Variants in LINGO2 observed in about 807,000 individuals in gnomAD.
LINGO2 encodes leucine-rich repeat and immunoglobulin-like domain-containing nogo receptor-interacting protein 2.
Under a neutral mutation model 30.6 loss-of-function variants are expected in LINGO2, and 14 were observed. The ratio of observed to expected loss-of-function variants is 0.46; its 90% CI spans 0.30 to 0.72. The LOEUF (loss-of-function observed/expected upper bound fraction) is 0.72. Ranked by LOEUF, LINGO2 falls within the 30% of genes least tolerant of loss-of-function variation. The probability of loss-of-function intolerance (pLI) is 0.07; values close to 1 mark genes in which losing one functional copy is unlikely to be tolerated. For missense variants in LINGO2, 729 were observed against 751.7 expected (o/e 0.97, Z 0.35); for synonymous variants, 317 against 288.5 (o/e 1.10, Z -1.00).
At chr9:28,466,835 A>G (rs1825324300) in intron 2 of LINGO2, among the ~76,000 whole-genome samples, 1 of 152,238 alleles carries the variant, frequency 6.6e-6, no homozygotes, top group African/African-American at 2.4e-5. Flanking sequence ...AACACAAGGC[A>G]TGAATAAAAT....
intron 1 of LINGO2, among the ~76,000 whole-genome samples, chr9:28,519,295 A>G (rs151285691): frequency 1.8e-4 from 27 of 152,140 alleles, no homozygotes; most frequent in African/African-American, 6.5e-4. Context: ...TCTGACTCCC[A>G]AAGTGCTGGG....
intron 4 of LINGO2, among the ~76,000 whole-genome samples, chr9:28,065,666 G>A (rs980073291): frequency 2.0e-5 from 3 of 152,122 alleles, no homozygotes; most frequent in African/African-American, 7.2e-5. Context: ...GATTTTGAGA[G>A]TCTTTCAGGA....
the LINGO2 span, among the ~76,000 whole-genome samples, chr9:28,760,811 C>T: frequency 6.8e-3 from 1,031 of 151,966 alleles, 23 homozygotes; most frequent in African/African-American, 0.024. Context: ...ATCTCATCCA[C>T]ATCACTGCAA....
At chr9:28,355,421 G>T (rs1183160286) in intron 3 of LINGO2, among the ~76,000 whole-genome samples, 1 of 142,112 alleles carries the variant, frequency 7.0e-6, no homozygotes, top group African/African-American at 2.6e-5. Context: ...GCATTGCCTT[G>T]GAAAAGTTTT....
At position 28,598,271 on chromosome 9, in the gene LINGO2, T is replaced by C. The variant is rs138698894; in HGVS notation, c.-365+71929A>G. ...CAAAATGCAAGCAAAAGTTCTTATA[T>C]ACATCTTACACTCATTCATACTTTT... On this transcript the variant is annotated intron_variant, in intron 1 of 5. Coordinates refer to ENST00000379992, the Ensembl canonical transcript of LINGO2. 9.0e-3 allele frequency among the ~76,000 whole-genome samples: 1,369 copies of C among 152,144 alleles called. 9 individuals carry two copies. Among genetic ancestry groups the C allele is most frequent in the Middle Eastern group, 0.02 (6 of 294 alleles).
intron 1 of LINGO2, among the ~76,000 whole-genome samples, chr9:28,501,743 G>A (rs1485954893): frequency 2.0e-5 from 3 of 151,964 alleles, no homozygotes; most frequent in Admixed American, 6.6e-5. Context: ...CTTGAAAAAC[G>A]TCTTTAGCAG....
At chr9:28,642,393 G>A (rs1047682522) in intron 1 of LINGO2, among the ~76,000 whole-genome samples, 3 of 152,074 alleles carry the variant, frequency 2.0e-5, no homozygotes, top group Middle Eastern at 3.4e-3. Context: ...CTACCCTGCT[G>A]GATTTTATTT....
chr9:27,971,772 G>T (rs1820367018), intron 5 of LINGO2, among the ~76,000 whole-genome samples: 1 of 152,112 alleles, frequency 6.6e-6, no homozygotes, highest in Non-Finnish European at 1.5e-5. Flanking sequence ...TGTTTATAAG[G>T]CCTTTGGGGA....
At chr9:28,044,444 T>C (rs1824326310) in intron 4 of LINGO2, among the ~76,000 whole-genome samples, 1 of 152,334 alleles carries the variant, frequency 6.6e-6, no homozygotes, top group East Asian at 1.9e-4. Context: ...GGATCAGCTG[T>C]AAGTCTCAAA....
chr9:28,372,443 T>G (rs1007809191), intron 3 of LINGO2, among the ~76,000 whole-genome samples: 1 of 152,180 alleles, frequency 6.6e-6, no homozygotes, highest in African/African-American at 2.4e-5. Flanking sequence ...TTCTTATAGG[T>G]AGACTCTAAA....
the LINGO2 span, among the ~76,000 whole-genome samples, chr9:28,860,816 T>C: frequency 4.3e-3 from 636 of 148,924 alleles, 13 homozygotes; most frequent in East Asian, 0.068. Flanking sequence ...TGTCACTTAG[T>C]TGTACAAATG....
chr9:28,988,365 T>C, the LINGO2 span, among the ~76,000 whole-genome samples: 1 of 152,208 alleles, frequency 6.6e-6, no homozygotes, highest in Non-Finnish European at 1.5e-5. Context: ...TTTCTTTTGC[T>C]TTCCATTTGC....
chr9:28,300,944 G>A (rs552186822), intron 3 of LINGO2, among the ~76,000 whole-genome samples: 1 of 151,382 alleles, frequency 6.6e-6, no homozygotes, highest in Non-Finnish European at 1.5e-5. Context: ...GGTTTGGCTT[G>A]GCCTGGTCAA....
At chr9:28,532,714 G>T (rs926255432) in intron 1 of LINGO2, among the ~76,000 whole-genome samples, 3 of 152,052 alleles carry the variant, frequency 2.0e-5, no homozygotes, top group Non-Finnish European at 4.4e-5. Context: ...AAGTTAACCA[G>T]CCCAGCCCGC....
At chr9:28,485,695 C>T (rs1826141142) in intron 1 of LINGO2, among the ~76,000 whole-genome samples, 1 of 152,014 alleles carries the variant, frequency 6.6e-6, no homozygotes. Flanking sequence ...ATGCAACAAC[C>T]CTGAAACATG....
At chr9:28,708,339 C>G in the LINGO2 span, among the ~76,000 whole-genome samples, 8 of 152,180 alleles carry the variant, frequency 5.3e-5, 2 homozygotes, top group East Asian at 1.5e-3. Context: ...ATTCAGGGAT[C>G]CCCAAGGAGA....
At chr9:28,339,652 A>G (rs1401765964) in intron 3 of LINGO2, among the ~76,000 whole-genome samples, 1 of 152,186 alleles carries the variant, frequency 6.6e-6, no homozygotes, top group South Asian at 2.1e-4. Flanking sequence ...ATACTTAAAT[A>G]TAAACTCTGA....
chr9:28,243,755 C>T (rs1821895828), intron 4 of LINGO2, among the ~76,000 whole-genome samples: 1 of 151,984 alleles, frequency 6.6e-6, no homozygotes, highest in Admixed American at 6.6e-5. Context: ...GTAAAGAGAA[C>T]AATTCAACAA....
chr9:28,364,480 T>A (rs1820581807), intron 3 of LINGO2, among the ~76,000 whole-genome samples: 1 of 152,186 alleles, frequency 6.6e-6, no homozygotes, highest in Admixed American at 6.5e-5. Flanking sequence ...CTTGGTTCTG[T>A]GCTTAATGTC....
Sources: gnomAD v4.1 joint callset for allele counts (sites outside exome capture counted in the v4.1 genomes callset) on GRCh38, gnomAD v4.1.1 for gene constraint, MANE v1.5 for transcripts, NCBI Gene and HGNC (gene_info 2026-07-23, HGNC 2026-07-21) for gene names.